SDK1: variants seen among roughly 807,000 people sequenced by gnomAD.
The protein encoded by SDK1 is sidekick cell adhesion molecule 1, also known as protein sidekick-1.
Under a neutral mutation model 245.5 loss-of-function variants are expected in SDK1, and 157 were observed. That is an observed-to-expected ratio of 0.64 (90% CI 0.56 to 0.73). The LOEUF (loss-of-function observed/expected upper bound fraction) is 0.73, where lower values mean the gene tolerates loss of function less well. Among genes scored for constraint, SDK1 ranks in the 30% least tolerant of loss-of-function variants. The pLI is 0.00. For synonymous variants in SDK1, 1,647 were observed against 1,278.5 expected (o/e 1.29, Z -6.15); for missense variants, 3,583 against 3,002.3 (o/e 1.19, Z -4.52).
intron 5 of SDK1, among the ~76,000 whole-genome samples, chr7:3,886,761 T>C (rs955852925): frequency 3.9e-5 from 6 of 152,158 alleles, no homozygotes; most frequent in Admixed American, 3.9e-4. Context: ...CAAAAAATAT[T>C]AAAAATTAGC....
chr7:3,962,426 C>T (rs537178460), intron 8 of SDK1, among the ~76,000 whole-genome samples: 7 of 152,276 alleles, frequency 4.6e-5, no homozygotes, highest in African/African-American at 1.7e-4. Context: ...GCCTGGAAGG[C>T]ACCGCAGCCA....
chr7:3,807,143 C>G (rs765418942), intron 4 of SDK1, among the ~76,000 whole-genome samples: 19 of 152,108 alleles, frequency 1.2e-4, no homozygotes, highest in Non-Finnish European at 2.2e-4. Context: ...AAAAATCTAC[C>G]CCATCCCCAA....
chr7:3,856,083 A>C (rs914459766), intron 5 of SDK1, among the ~76,000 whole-genome samples: 15 of 152,228 alleles, frequency 9.9e-5, no homozygotes, highest in African/African-American at 3.4e-4. Flanking sequence ...AGATTTTGGA[A>C]GACTGGGGAG....
At chr7:3,970,628 G>C (rs192308192) in intron 11 of SDK1, among the ~76,000 whole-genome samples, 2 of 152,300 alleles carry the variant, frequency 1.3e-5, no homozygotes, top group South Asian at 4.2e-4. Flanking sequence ...AAAATTTTGT[G>C]GATCTGCTGA....
In SDK1 at chr7:3,453,460, C is replaced by G. The variant is rs556263965; in HGVS notation, c.298+151576C>G. Among the ~76,000 whole-genome samples the G allele has an allele frequency of 3.3e-5, 5 of 152,246 alleles. 1 individual carries two copies. Among genetic ancestry groups the G allele is most frequent in the African/African-American group, 1.2e-4 (5 of 41,544 alleles). On this transcript the variant is annotated intron_variant, in intron 1 of 44. Transcript: ENST00000404826. ...AGGATCTTGAGATGAAGAGATTATC[C>G]TGGATTATCTGGTGGACCCTAAATG...
chr7:4,127,769 ACT>A (rs1316282035), intron 26 of SDK1, among the ~76,000 whole-genome samples: 3 of 152,146 alleles, frequency 2.0e-5, no homozygotes. Context: ...CCTGCGCCTG[ACT>A]CTGCCCTCGC....
chr7:3,955,657 G>C (rs207467615), intron 7 of SDK1, among the ~76,000 whole-genome samples: 1 of 152,204 alleles, frequency 6.6e-6, no homozygotes, highest in Non-Finnish European at 1.5e-5. Flanking sequence ...GGCAGCGCAG[G>C]AAACATCTTT....
intron 1 of SDK1, among the ~76,000 whole-genome samples, chr7:3,528,680 C>T (rs757425824): frequency 8.6e-5 from 13 of 151,972 alleles, no homozygotes; most frequent in Non-Finnish European, 1.8e-4. Flanking sequence ...TGAGAAGTGG[C>T]AGGGCTTGGG....
chr7:3,510,462 G>A (rs1562530780), intron 1 of SDK1, among the ~76,000 whole-genome samples: 2 of 152,166 alleles, frequency 1.3e-5, no homozygotes, highest in East Asian at 1.9e-4. Context: ...CTGACGTGAG[G>A]CGGATTAATA....
intron 1 of SDK1, among the ~76,000 whole-genome samples, chr7:3,484,488 T>A (rs113877438): frequency 6.6e-6 from 1 of 152,218 alleles, no homozygotes; most frequent in Non-Finnish European, 1.5e-5. Flanking sequence ...TTCAGTTTGG[T>A]TGGAAAAATA....
intron 28 of SDK1, among the ~76,000 whole-genome samples, chr7:4,135,885 A>G (rs1280537003): frequency 1.3e-5 from 2 of 152,206 alleles, no homozygotes; most frequent in Non-Finnish European, 2.9e-5. Flanking sequence ...GCCTGGTCCT[A>G]GTATTCCCGT....
At chr7:3,831,764 AAATT>A (rs890040072) in intron 5 of SDK1, among the ~76,000 whole-genome samples, 1 of 152,138 alleles carries the variant, frequency 6.6e-6, no homozygotes, top group African/African-American at 2.4e-5. Flanking sequence ...ATTAAAAAAA[AAATT>A]AATCACCCGG....
intron 1 of SDK1, among the ~76,000 whole-genome samples, chr7:3,529,053 G>C (rs888189743): frequency 1.8e-4 from 28 of 152,156 alleles, no homozygotes; most frequent in Admixed American, 1.8e-3. Context: ...AATATATTGA[G>C]GGTAAAGGGA....
In SDK1 at chr7:4,053,138, G is replaced by C. The variant is rs565041029; in HGVS notation, c.2911+1308G>C. Among the ~76,000 whole-genome samples the C allele has an allele frequency of 4.0e-5, 6 of 151,496 alleles. 1 individual carries two copies. The South Asian group carries it at 1.3e-3, about 32-fold the overall frequency. The stretch of plus-strand genomic sequence containing the variant: ...GAAAATTATTTTTTAAGTCACCCTG[G>C]GCTGCTGCTTGTCTCTCCCCCAGTG... On this transcript the variant is annotated intron_variant, in intron 19 of 44. Transcript: ENST00000404826.
intron 14 of SDK1, among the ~76,000 whole-genome samples, chr7:4,004,689 G>C (rs1184295275): frequency 1.3e-5 from 2 of 152,114 alleles, no homozygotes; most frequent in African/African-American, 4.8e-5. Context: ...GTGTTTTAAA[G>C]GAAATTCCAG....
At chr7:3,863,669 G>T (rs1780750937) in intron 5 of SDK1, among the ~76,000 whole-genome samples, 1 of 152,170 alleles carries the variant, frequency 6.6e-6, no homozygotes, top group South Asian at 2.1e-4. Flanking sequence ...GAAGGTCATA[G>T]AAGCAGAATG....
At chr7:3,347,659 A>G (rs1180254580) in intron 1 of SDK1, among the ~76,000 whole-genome samples, 1 of 152,150 alleles carries the variant, frequency 6.6e-6, no homozygotes, top group Admixed American at 6.5e-5. Flanking sequence ...AATTTAGTTT[A>G]TATTCCTAAG....
intron 5 of SDK1, among the ~76,000 whole-genome samples, chr7:3,854,860 A>G (rs537006125): frequency 7.9e-5 from 12 of 152,214 alleles, no homozygotes; most frequent in Non-Finnish European, 1.5e-4. Flanking sequence ...TATAGAGAAC[A>G]GACAAAGTTG....
At chr7:3,530,144 A>T (rs1479742550) in intron 1 of SDK1, among the ~76,000 whole-genome samples, 1 of 152,216 alleles carries the variant, frequency 6.6e-6, no homozygotes, top group Non-Finnish European at 1.5e-5. Flanking sequence ...CTAGTCATAC[A>T]TAAAAAGGAC....
Sources: gnomAD v4.1 joint callset for allele counts (sites outside exome capture counted in the v4.1 genomes callset) on GRCh38, gnomAD v4.1.1 for gene constraint, MANE v1.5 for transcripts, NCBI Gene and HGNC (gene_info 2026-07-23, HGNC 2026-07-21) for gene names.